Variants in CYP19A1 observed in about 807,000 individuals in gnomAD.
CYP19A1 encodes aromatase.
A neutral mutation model predicts 44.4 loss-of-function variants in CYP19A1; 32 were observed. The observed-to-expected ratio is 0.72, with a 90% CI of 0.54 to 0.97. CYP19A1 has a LOEUF of 0.97. CYP19A1 is among the 50% of genes least tolerant of loss of function. The probability of loss-of-function intolerance (pLI) is 0.00; values close to 1 mark genes in which losing one functional copy is unlikely to be tolerated. For missense variants in CYP19A1, 598 were observed against 637.8 expected (o/e 0.94, Z 0.67); for synonymous variants, 212 against 215.6 (o/e 0.98, Z 0.14).
chr15:51,259,275 G>A (rs528937969), intron 1 of CYP19A1, among the ~76,000 whole-genome samples: 7 of 152,184 alleles, frequency 4.6e-5, no homozygotes, highest in East Asian at 1.9e-4. Flanking sequence ...TGGTGTATCC[G>A]TTACACACAG....
chr15:51,210,899 A>G lies in CYP19A1; in HGVS notation c.1421T>C (p.Ile474Thr). 6.3e-7 allele frequency: 1 copy of G among 1,598,060 alleles called. No individual in the cohort carries two copies. The highest frequency in any genetic ancestry group is 8.6e-7 in the Non-Finnish European group (1 of 1,165,392). Residue 474 changes from isoleucine (I) to threonine (T), a missense_variant, in exon 10 of 10, where the codon ATA becomes ACA. Physicochemically the swap from Ile to Thr is moderately conservative, Grantham distance 89. Coordinates refer to ENST00000396402, the MANE Select transcript of CYP19A1 (RefSeq NM_000103.4). ...ATCTGGGTGCAAGGACAAGTCGTGT[A>G]TCTTCTGTATGCTCTCAACACACTG... The part of the protein sequence containing the change: ...QGQCVESIQK[I>T]HDLSLHPDET...
At chr15:51,279,963 G>GT (rs2140969730) in intron 1 of CYP19A1, 1 of 152,232 alleles carries the variant, frequency 6.6e-6, no homozygotes, top group East Asian at 1.9e-4. Context: ...TGTTAACTTC[G>GT]AAGTCAAAGG....
intron 1 of CYP19A1, among the ~76,000 whole-genome samples, chr15:51,319,177 AC>A (rs2036484075): frequency 6.6e-6 from 1 of 152,016 alleles, no homozygotes; most frequent in South Asian, 2.1e-4. Context: ...TCACCCCTAC[AC>A]CCTTTCCCTT....
chr15:51,247,300 C>G (rs912317060), intron 1 of CYP19A1, among the ~76,000 whole-genome samples: 3 of 152,110 alleles, frequency 2.0e-5, no homozygotes, highest in Admixed American at 1.3e-4. Flanking sequence ...GAAGGCACCT[C>G]CCCCTATTCC....
At chr15:51,280,035 A>T (rs1403801387) in intron 1 of CYP19A1, 1 of 151,886 alleles carries the variant, frequency 6.6e-6, no homozygotes, top group Non-Finnish European at 1.5e-5. Flanking sequence ...CCTAGACCCC[A>T]TGTGACTGGC....
chr15:51,225,464 TTATCACC>T (rs1413862740), intron 4 of CYP19A1, among the ~76,000 whole-genome samples: 1 of 152,188 alleles, frequency 6.6e-6, no homozygotes. Context: ...TTCATAACAT[TTATCACC>T]TTTTGTGGAT....
At chr15:51,271,293 C>T (rs900236280) in intron 1 of CYP19A1, among the ~76,000 whole-genome samples, 2 of 152,160 alleles carry the variant, frequency 1.3e-5, no homozygotes, top group Non-Finnish European at 2.9e-5. Flanking sequence ...ACCCCTCTAA[C>T]CAGGCCTGCG....
intron 1 of CYP19A1, among the ~76,000 whole-genome samples, chr15:51,268,960 G>A (rs919384791): frequency 2.0e-5 from 3 of 151,952 alleles, no homozygotes; most frequent in Non-Finnish European, 2.9e-5. Context: ...TGTCTGATAC[G>A]TGTTGTTTTG....
At chr15:51,252,095 G>C (rs540855530) in intron 1 of CYP19A1, among the ~76,000 whole-genome samples, 1 of 152,312 alleles carries the variant, frequency 6.6e-6, no homozygotes, top group South Asian at 2.1e-4. Flanking sequence ...AGTGGTGCCT[G>C]TAGGCCCAGG....
intron 1 of CYP19A1, among the ~76,000 whole-genome samples, chr15:51,282,735 A>C (rs143837499): frequency 1.3e-5 from 2 of 152,256 alleles, no homozygotes; most frequent in Non-Finnish European, 2.9e-5. Context: ...GTGAAGGAAC[A>C]CTAGAGCATG....
At chr15:51,283,429 G>A (rs925357709) in intron 1 of CYP19A1, among the ~76,000 whole-genome samples, 1 of 152,132 alleles carries the variant, frequency 6.6e-6, no homozygotes, top group African/African-American at 2.4e-5. Context: ...TTGAAGTATG[G>A]CAATTTCCCA....
chr15:51,227,369 T>C (rs572399738), intron 4 of CYP19A1, among the ~76,000 whole-genome samples: 1 of 152,196 alleles, frequency 6.6e-6, no homozygotes, highest in South Asian at 2.1e-4. Flanking sequence ...GCAGTAGAAT[T>C]CAAAATATGA....
At chr15:51,246,377 T>C (rs533510949) in intron 1 of CYP19A1, among the ~76,000 whole-genome samples, 15 of 152,278 alleles carry the variant, frequency 9.9e-5, no homozygotes, top group African/African-American at 3.6e-4. Context: ...GTCGCACCAT[T>C]GTTATTTGCA....
At chr15:51,288,546 C>T (rs1205213714) in intron 1 of CYP19A1, among the ~76,000 whole-genome samples, 3 of 152,174 alleles carry the variant, frequency 2.0e-5, no homozygotes, top group African/African-American at 4.8e-5. Flanking sequence ...GTGCTCCATC[C>T]TCTCACCCTT....
intron 8 of CYP19A1, among the ~76,000 whole-genome samples, chr15:51,213,997 C>T (rs1296371135): frequency 6.6e-6 from 1 of 152,178 alleles, no homozygotes; most frequent in Non-Finnish European, 1.5e-5. Context: ...AAACTTCCCA[C>T]CTGTGTGAGG....
At chr15:51,273,780 T>C (rs935186769) in intron 1 of CYP19A1, among the ~76,000 whole-genome samples, 11 of 152,034 alleles carry the variant, frequency 7.2e-5, no homozygotes, top group Non-Finnish European at 1.2e-4. Context: ...CCAAGGTGGG[T>C]GGATCACCTG....
rs762463126 is a variant in CYP19A1, at chr15:51,242,870, T to C, written c.43A>G (p.Ser15Gly). 1.2e-6 allele frequency: 2 copies of C among 1,607,898 alleles called. No homozygotes were observed. The highest frequency in any genetic ancestry group is 1.7e-6 in the Non-Finnish European group (2 of 1,174,350). ...GCAGGCATGGCTTCAGGCACGATGC[T>C]GGTGATGTTATAATGTATCGGGTTC... Reference protein sequence around the residue: ...MLNPIHYNITSIVPEAMPAAT... With the variant: ...MLNPIHYNITGIVPEAMPAAT... Residue 15 changes from serine to glycine, a missense_variant, in exon 2 of 10, where the codon AGC becomes GGC. Physicochemically the swap from Ser to Gly is moderately conservative, Grantham distance 56 (BLOSUM62 0). Transcript: ENST00000396402.
intron 1 of CYP19A1, among the ~76,000 whole-genome samples, chr15:51,332,259 A>G (rs2036713799): frequency 6.6e-6 from 1 of 152,078 alleles, no homozygotes; most frequent in East Asian, 1.9e-4. Context: ...ATTCCATTAT[A>G]CCAACATAAG....
intron 1 of CYP19A1, among the ~76,000 whole-genome samples, chr15:51,245,722 CAT>C (rs1236225741): frequency 6.6e-6 from 1 of 152,236 alleles, no homozygotes; most frequent in Non-Finnish European, 1.5e-5. Flanking sequence ...ACCTAGAAAA[CAT>C]GTGCTATGTG....
Sources: gnomAD v4.1 joint callset for allele counts (sites outside exome capture counted in the v4.1 genomes callset) on GRCh38, gnomAD v4.1.1 for gene constraint, MANE v1.5 for transcripts, NCBI Gene and HGNC (gene_info 2026-07-23, HGNC 2026-07-21) for gene names.